Variants in IL17RA observed in about 807,000 individuals in gnomAD.
The protein encoded by IL17RA is interleukin-17 receptor A.
A neutral mutation model predicts 50.4 loss-of-function variants in IL17RA; 34 were observed. The observed-to-expected ratio is 0.67, with a 90% confidence interval of 0.51 to 0.90. The LOEUF (loss-of-function observed/expected upper bound fraction) is 0.90, where lower values mean the gene tolerates loss of function less well. Among genes scored for constraint, IL17RA ranks in the 40% least tolerant of loss-of-function variants. The pLI is 0.00. For synonymous variants in IL17RA, 585 were observed against 510.4 expected (o/e 1.15, Z -1.97); for missense variants, 1,276 against 1,169.8 (o/e 1.09, Z -1.32).
rs951671854 is a variant in IL17RA at position 17,110,870 on chromosome 22, G to C, written c.*1050G>C. On this transcript the variant is annotated 3_prime_UTR_variant, in exon 13 of 13. Coordinates refer to ENST00000319363, the MANE Select transcript of IL17RA (RefSeq NM_014339.7). Reference sequence around the variant, plus strand: ...GAAAGATGGAGTGGAAGCCTGCCCAGGGTTGTGAGCATGCACGGGAAAGGC... The same window carrying C: ...GAAAGATGGAGTGGAAGCCTGCCCACGGTTGTGAGCATGCACGGGAAAGGC... 1 of 152,456 alleles carries C rather than the reference G, an allele frequency of 6.6e-6. No individual in the cohort carries two copies. Among genetic ancestry groups the C allele is most frequent in the Non-Finnish European group, 1.5e-5 (1 of 68,230 alleles). The allele number at this position is 152,456 out of a possible 1,614,324, so 9.4% of individuals were successfully genotyped here. A position where few individuals can be genotyped will look rare whatever the true frequency, so the allele number is the denominator to read the frequency against.
At chr22:17,098,932 C>G in intron 4 of IL17RA, 45 bp downstream of exon 4, 1 of 1,459,084 alleles carries the variant, frequency 6.9e-7, no homozygotes. Context: ...CTGATGACAC[C>G]AGTACAGACT....
chr22:17,097,074 A>C lies in IL17RA; in HGVS notation c.151A>C (p.Thr51Pro). 1 of 1,613,812 alleles carries C rather than the reference A, an allele frequency of 6.2e-7. No individual in the cohort carries two copies. Among genetic ancestry groups the C allele is most frequent in the East Asian group, 2.2e-5 (1 of 44,872 alleles). ...CTTTTTTCCACAGGGGCTAAACTGC[A>C]CGGTCAAGAATAGTAAGTCATCTTT... Reference protein sequence around the residue: ...LVCSQPGLNCTVKNSTCLDDS... With the variant: ...LVCSQPGLNCPVKNSTCLDDS... The change falls in exon 2 of 13, where the codon ACG (threonine) becomes CCG (proline). Residue 51 changes from threonine to proline, a missense_variant. Thr to Pro is a conservative substitution (Grantham distance 38). Transcript: ENST00000319363.
intron 1 of IL17RA, among the ~76,000 whole-genome samples, chr22:17,094,716 T>TATATATATATATATATATC (rs1178787318): frequency 8.4e-6 from 1 of 118,536 alleles, no homozygotes; most frequent in African/African-American, 3.4e-5. Flanking sequence ...TATATATATA[T>TATATATATATATATATATC]ATTCAGGGAG....
At position 17,110,215 on chromosome 22, in the gene IL17RA, G is replaced by T. The variant is rs1439983659; in HGVS notation, c.*395G>T. On this transcript the variant is annotated 3_prime_UTR_variant, in exon 13 of 13. Coordinates refer to ENST00000319363, the MANE Select transcript of IL17RA (RefSeq NM_014339.7). ...CGAGGACACGTTAAACGAACAGGAT[G>T]GGCCGGGCACGGTGGCTCACGCCTG... 2 of 311,112 alleles carry T rather than the reference G, an allele frequency of 6.4e-6. No homozygotes were observed. The highest frequency in any genetic ancestry group is 9.6e-5 in the East Asian group (1 of 10,454). 19.3% of individuals were successfully genotyped at this position (311,112 alleles called of 1,614,324 possible). A position where few individuals can be genotyped will look rare whatever the true frequency, so the allele number is the denominator to read the frequency against.
At chr22:17,092,368 A>G (rs890293660) in intron 1 of IL17RA, among the ~76,000 whole-genome samples, 9 of 152,154 alleles carry the variant, frequency 5.9e-5, no homozygotes, top group Non-Finnish European at 1.2e-4. Context: ...ATTGAACTGA[A>G]AGAGAGGAGC....
At chr22:17,101,774 A>T (rs1282689106) in intron 5 of IL17RA, among the ~76,000 whole-genome samples, 1 of 152,196 alleles carries the variant, frequency 6.6e-6, no homozygotes, top group East Asian at 1.9e-4. Flanking sequence ...CAAGCTCAGG[A>T]GGAATGCACT....
Position 17,104,711 on chromosome 22 carries a change from CCT to C in IL17RA, c.847-10_847-9del. The C allele has an allele frequency of 6.2e-7, 1 of 1,613,442 alleles. No homozygotes were observed. The highest frequency in any genetic ancestry group is 1.1e-5 in the South Asian group (1 of 91,058). On this transcript the variant is annotated splice_polypyrimidine_tract_variant and intron_variant, in intron 8 of 12. Coordinates refer to ENST00000319363, the MANE Select transcript of IL17RA (RefSeq NM_014339.7). ...TACAGTTCTGGAGCCCTTTTCCTGC[CCT>C]CTCTGCCCGCAGATCCAGCCCTTCT...
chr22:17,100,563 C>T (rs1362484826), intron 5 of IL17RA, 82 bp downstream of exon 5: 2 of 1,552,038 alleles, frequency 1.3e-6, no homozygotes, highest in African/African-American at 1.4e-5. Flanking sequence ...GCCAGCCCCC[C>T]TGCTCAGCAA....
chr22:17,105,497 A>G (rs1306612078), intron 9 of IL17RA, 94 bp from the exon 10 acceptor site: 2 of 1,258,254 alleles, frequency 1.6e-6, no homozygotes, highest in African/African-American at 1.5e-5. Flanking sequence ...GGCCAACATC[A>G]TTAAAGCCCT....
In IL17RA at chr22:17,108,732, A is replaced by G. The variant is rs761567739; in HGVS notation, c.1513A>G (p.Ser505Gly). The change falls in exon 13 of 13, where the codon AGC becomes GGC. Residue 505 changes from serine to glycine, a missense_variant. By Grantham distance (56) the Ser-to-Gly change is moderately conservative. Transcript: ENST00000319363. ...CFGTYVVCYF[S>G]EVSCDGDVPD... ...CGGCACCTACGTAGTCTGCTACTTCAGCGAGGTCAGCTGTGACGGCGACGT... is the reference window on the plus strand; with the variant it reads ...CGGCACCTACGTAGTCTGCTACTTCGGCGAGGTCAGCTGTGACGGCGACGT... 1.9e-6 allele frequency: 3 copies of G among 1,611,660 alleles called. No individual in the cohort carries two copies. The African/African-American group carries it at 4.0e-5, about 22-fold the overall frequency.
intron 1 of IL17RA, among the ~76,000 whole-genome samples, chr22:17,096,046 A>G (rs1211582856): frequency 6.6e-6 from 1 of 151,946 alleles, no homozygotes; most frequent in Non-Finnish European, 1.5e-5. Flanking sequence ...TGGCCTTGAG[A>G]TTGTGTTTCT....
intron 1 of IL17RA, among the ~76,000 whole-genome samples, 193 bp from the exon 2 acceptor site, chr22:17,096,869 C>CA (rs5844287): frequency 4.4e-4 from 51 of 116,044 alleles, no homozygotes; most frequent in South Asian, 2.9e-3. Context: ...GACTCCATCT[C>CA]AAAAAAAAAA....
chr22:17,108,182 G>T, intron 12 of IL17RA, 125 bp from the exon 13 acceptor site: 2 of 946,188 alleles, frequency 2.1e-6, no homozygotes, highest in Non-Finnish European at 3.3e-6. Context: ...GGCCTCAGTT[G>T]GGTTTCTCAG....
Position 17,100,157 on chromosome 22 carries a change from A to C in IL17RA, c.424-198A>C, listed in dbSNP as rs41379644. On this transcript the variant is annotated intron_variant, in intron 4 of 12. Transcript: ENST00000319363. ...ATCCAGGTTTAAAAAAAAAAAAAAA[A>C]AAAACAGGCAGAAAGGACCAGAGGA... 4.8e-3 allele frequency among the ~76,000 whole-genome samples: 725 copies of C among 151,912 alleles called. 3 individuals carry two copies. The highest frequency in any genetic ancestry group is 0.017 in the African/African-American group (694 of 41,380).
intron 1 of IL17RA, among the ~76,000 whole-genome samples, chr22:17,096,403 A>G (rs2061368215): frequency 6.6e-6 from 1 of 152,176 alleles, no homozygotes; most frequent in Admixed American, 6.5e-5. Flanking sequence ...CAGATCTGTC[A>G]CAGAAACTGT....
chr22:17,108,326 C>T lies in IL17RA; in HGVS notation c.1107C>T (p.Asp369=). The stretch of plus-strand genomic sequence containing the variant: ...CCTTAGATGGCCTGCCTGCGGCTGA[C>T]CTGATCCCCCCACCGCTGAAGCCCA... ...TKYTDGLPAA[D]LIPPPLKPRK... Residue 369 remains aspartate, a synonymous_variant, in exon 13 of 13, where the codon GAC becomes GAT. Transcript: ENST00000319363. 1 of 1,614,102 alleles carries T rather than the reference C, an allele frequency of 6.2e-7. No homozygotes were observed. The highest frequency in any genetic ancestry group is 8.5e-7 in the Non-Finnish European group (1 of 1,180,018).
At position 17,097,104 on chromosome 22, in the gene IL17RA, GTTC is replaced by G. The variant is rs373435632; in HGVS notation, c.163+27_163+29del. The G allele has an allele frequency of 1.8e-4, 283 of 1,611,276 alleles. 2 individuals are homozygous for G. Among genetic ancestry groups the G allele is most frequent in the African/African-American group, 1.0e-3 (75 of 74,976 alleles). ...CAAGAATAGTAAGTCATCTTTTTCTGTTCTTCTTCTTGTTGCCTTCTTAATCAA... is the reference window on the plus strand; with the variant it reads ...CAAGAATAGTAAGTCATCTTTTTCTGTTCTTCTTGTTGCCTTCTTAATCAA... On this transcript the variant is annotated intron_variant, in intron 2 of 12. Coordinates refer to ENST00000319363, the MANE Select transcript of IL17RA (RefSeq NM_014339.7).
intron 9 of IL17RA, among the ~76,000 whole-genome samples, chr22:17,105,140 T>C (rs778554634): frequency 1.3e-5 from 2 of 152,162 alleles, no homozygotes; most frequent in South Asian, 4.1e-4. Flanking sequence ...CAACATGCCG[T>C]CCATTTTTTC....
At chr22:17,090,299 C>T (rs2061343725) in intron 1 of IL17RA, among the ~76,000 whole-genome samples, 1 of 152,212 alleles carries the variant, frequency 6.6e-6, no homozygotes, top group Non-Finnish European at 1.5e-5. Flanking sequence ...GCTAGGATTA[C>T]AGGCGTGAGC....
Sources: allele counts gnomAD v4.1 joint callset (sites outside exome capture counted in the v4.1 genomes callset), GRCh38; gene constraint gnomAD v4.1.1; transcripts MANE v1.5; gene names NCBI Gene and HGNC (gene_info 2026-07-23, HGNC 2026-07-21).